FRMD4B: variants seen among roughly 807,000 people sequenced by gnomAD.
FRMD4B encodes FERM domain-containing protein 4B.
Under a neutral mutation model 141.5 loss-of-function variants are expected in FRMD4B, and 74 were observed. The observed-to-expected ratio is 0.52, with a 90% CI of 0.43 to 0.63. The LOEUF (loss-of-function observed/expected upper bound fraction) is 0.63. Ranked by LOEUF, FRMD4B falls within the 30% of genes least tolerant of loss-of-function variation. The pLI is 0.00. For missense variants in FRMD4B, 1,366 were observed against 1,253.4 expected (o/e 1.09, Z -1.36); for synonymous variants, 506 against 467.9 (o/e 1.08, Z -1.05).
At chr3:69,369,489 T>C (rs763998025) in intron 1 of FRMD4B, among the ~76,000 whole-genome samples, 5 of 152,108 alleles carry the variant, frequency 3.3e-5, no homozygotes, top group Non-Finnish European at 5.9e-5. Context: ...CTGATGCAAC[T>C]GTGTGCTGAA....
At chr3:69,421,181 C>G (rs1231712397) in intron 2 of FRMD4B, among the ~76,000 whole-genome samples, 2 of 152,240 alleles carry the variant, frequency 1.3e-5, no homozygotes, top group Non-Finnish European at 2.9e-5. Flanking sequence ...CACCCTCACA[C>G]AGCCCCAGAG....
intron 1 of FRMD4B, among the ~76,000 whole-genome samples, chr3:69,499,817 AG>A (rs1706462991): frequency 6.6e-6 from 1 of 152,180 alleles, no homozygotes; most frequent in Non-Finnish European, 1.5e-5. Flanking sequence ...CCAATGATAG[AG>A]TGTGTTTTAG....
rs2093230558 is a variant in FRMD4B, at chr3:69,224,469, T to A, written c.665+138A>T. ...GATCCTTTCACTGAAAGGATCAAGG[T>A]CTACCTATGGTTACTTTATACAATT... is the stretch of plus-strand genomic sequence containing the variant. On this transcript the variant is annotated intron_variant, in intron 8 of 22. Transcript: ENST00000398540. 6 of 675,638 alleles carry A rather than the reference T, an allele frequency of 8.9e-6. No individual in the cohort carries two copies. The South Asian group carries it at 9.9e-5, about 11-fold the overall frequency. 41.9% of individuals were successfully genotyped at this position (675,638 alleles called of 1,614,324 possible).
intron 1 of FRMD4B, among the ~76,000 whole-genome samples, chr3:69,447,230 T>C (rs1344365642): frequency 6.6e-6 from 1 of 152,202 alleles, no homozygotes; most frequent in Non-Finnish European, 1.5e-5. Context: ...TCATCATCTC[T>C]TTTGTTTCTT....
chr3:69,476,642 C>T (rs1219058406), intron 1 of FRMD4B, among the ~76,000 whole-genome samples: 2 of 152,178 alleles, frequency 1.3e-5, no homozygotes, highest in Non-Finnish European at 2.9e-5. Context: ...TAGCGTGATG[C>T]CTCCAGCTGT....
At chr3:69,352,747 T>C (rs1240153159) in intron 1 of FRMD4B, among the ~76,000 whole-genome samples, 3 of 152,218 alleles carry the variant, frequency 2.0e-5, no homozygotes, top group African/African-American at 7.2e-5. Flanking sequence ...TCCCCAAAAA[T>C]GGCATTTCCG....
chr3:69,172,233 G>C (rs1431320874), intron 22 of FRMD4B, among the ~76,000 whole-genome samples: 1 of 152,132 alleles, frequency 6.6e-6, no homozygotes, highest in Non-Finnish European at 1.5e-5. Flanking sequence ...GTGTTTCATT[G>C]ATCAGGACCC....
At chr3:69,336,575 A>G (rs370989094) in intron 1 of FRMD4B, 3 of 152,310 alleles carry the variant, frequency 2.0e-5, no homozygotes, top group African/African-American at 7.2e-5. Flanking sequence ...AGGCTTTTGC[A>G]CTGGTACTTA....
At chr3:69,453,700 G>C (rs1023770062) in intron 1 of FRMD4B, among the ~76,000 whole-genome samples, 2 of 152,218 alleles carry the variant, frequency 1.3e-5, no homozygotes, top group African/African-American at 4.8e-5. Flanking sequence ...ATGGCATTTG[G>C]CAGAGAGGAA....
chr3:69,413,387 G>T (rs894204108), intron 2 of FRMD4B, among the ~76,000 whole-genome samples: 1 of 152,144 alleles, frequency 6.6e-6, no homozygotes, highest in Non-Finnish European at 1.5e-5. Context: ...ACCCCAGGCC[G>T]TCTTGATGTT....
intron 1 of FRMD4B, among the ~76,000 whole-genome samples, chr3:69,434,804 T>C (rs1205578111): frequency 6.6e-6 from 1 of 152,220 alleles, no homozygotes; most frequent in Non-Finnish European, 1.5e-5. Flanking sequence ...AATCACGCAC[T>C]ATATTAGTTT....
At chr3:69,523,648 T>C (rs1406153241) in intron 1 of FRMD4B, among the ~76,000 whole-genome samples, 1 of 152,036 alleles carries the variant, frequency 6.6e-6, no homozygotes, top group Non-Finnish European at 1.5e-5. Flanking sequence ...CACAGAGCCA[T>C]ATTTAGCAGT....
intron 1 of FRMD4B, among the ~76,000 whole-genome samples, chr3:69,331,890 C>T (rs1702380804): frequency 6.6e-6 from 1 of 152,130 alleles, no homozygotes; most frequent in Non-Finnish European, 1.5e-5. Context: ...GAGTTCAAGA[C>T]CAGCCTGGCC....
intron 21 of FRMD4B, among the ~76,000 whole-genome samples, chr3:69,179,002 G>A (rs544633489): frequency 1.3e-5 from 2 of 151,662 alleles, no homozygotes; most frequent in East Asian, 3.9e-4. Flanking sequence ...GACTAATCTG[G>A]CAAATAACTG....
Position 69,195,091 on chromosome 3 carries a change from C to A in FRMD4B, c.1419G>T (p.Lys473Asn). 4 of 1,613,858 alleles carry A rather than the reference C, an allele frequency of 2.5e-6. No individual in the cohort carries two copies. Among genetic ancestry groups the A allele is most frequent in the Non-Finnish European group, 3.4e-6 (4 of 1,179,746 alleles). ...PKEYPLNIGE[K>N]PPQVRRRVGT... ...CCACACGTCTTCTGACCTGAGGAGG[C>A]TTCTCGCCTATGTTCAGGGGATACT... The change falls in exon 16 of 23, where the codon AAG (lysine) becomes AAT (asparagine). Residue 473 changes from lysine to asparagine, a missense_variant. Physicochemically the swap from Lys to Asn is moderately conservative, Grantham distance 94. Coordinates refer to ENST00000398540, the MANE Select transcript of FRMD4B (RefSeq NM_015123.3).
At chr3:69,305,548 G>T (rs4855385) in intron 3 of FRMD4B, among the ~76,000 whole-genome samples, 43,177 of 152,086 alleles carry the variant, frequency 0.28, 6,731 homozygotes, top group Admixed American at 0.35. Flanking sequence ...TAACATATTT[G>T]ATAGTATCAG....
At chr3:69,485,532 A>G (rs571731536) in intron 1 of FRMD4B, among the ~76,000 whole-genome samples, 11 of 152,294 alleles carry the variant, frequency 7.2e-5, no homozygotes, top group Admixed American at 5.9e-4. Context: ...TTGCAGCCAC[A>G]GCTTGGGCAG....
At chr3:69,222,054 G>T (rs766916147) in intron 8 of FRMD4B, 131 bp from the exon 9 acceptor site, 1 of 648,948 alleles carries the variant, frequency 1.5e-6, no homozygotes, top group South Asian at 1.8e-5. Flanking sequence ...GGTAGATAGA[G>T]TTTGGCTTTT....
chr3:69,184,870 T>C (rs946875802), intron 19 of FRMD4B, among the ~76,000 whole-genome samples: 1 of 152,232 alleles, frequency 6.6e-6, no homozygotes, highest in Non-Finnish European at 1.5e-5. Flanking sequence ...TTTTAAATTT[T>C]ATTTACTTTT....
Sources: gnomAD v4.1 joint callset for allele counts (sites outside exome capture counted in the v4.1 genomes callset) on GRCh38, gnomAD v4.1.1 for gene constraint, MANE v1.5 for transcripts, NCBI Gene and HGNC (gene_info 2026-07-23, HGNC 2026-07-21) for gene names.